Variants in ARHGAP32 observed in about 807,000 individuals in gnomAD.
ARHGAP32 encodes the protein Rho GTPase activating protein 32, also known as rho GTPase-activating protein 32.
A neutral mutation model predicts 186.5 loss-of-function variants in ARHGAP32; 51 were observed. The ratio of observed to expected loss-of-function variants is 0.27; its 90% CI spans 0.22 to 0.35. The LOEUF is 0.35. ARHGAP32 is among the 10% of genes least tolerant of loss of function. ARHGAP32 has a pLI of 1.00. For missense variants in ARHGAP32, 2,186 were observed against 2,623.5 expected, an observed-to-expected ratio of 0.83 and a Z score of 3.64; for synonymous variants, 950 against 964.3, an observed-to-expected ratio of 0.99 and a Z score of 0.27.
intron 1 of ARHGAP32, among the ~76,000 whole-genome samples, chr11:129,250,157 C>T (rs1020974144): frequency 6.6e-6 from 1 of 152,054 alleles, no homozygotes; most frequent in Admixed American, 6.6e-5. Flanking sequence ...GTTGAGGCTG[C>T]AATGAGCTAT....
rs946293823 is a variant in ARHGAP32, at chr11:129,276,811, T to C, written c.-5+2335A>G. The stretch of plus-strand genomic sequence containing the variant: ...AAGAAAAACAATGCAAGCCTTCTGA[T>C]CCCTATTTTATAAAATGCAAACAAG... On this transcript the variant is annotated intron_variant, in intron 1 of 6. Transcript: ENST00000525234. 3.3e-5 allele frequency among the ~76,000 whole-genome samples: 5 copies of C among 152,194 alleles called. No individual in the cohort carries two copies. In the East Asian group the frequency reaches 9.6e-4, roughly 29 times the overall value.
intron 6 of ARHGAP32, among the ~76,000 whole-genome samples, chr11:129,093,415 T>C: frequency 6.6e-6 from 1 of 152,136 alleles, no homozygotes; most frequent in Admixed American, 6.5e-5. Context: ...CATGTAGTAT[T>C]GTATGAATAC....
At chr11:129,093,398 T>C (rs1162974343) in intron 6 of ARHGAP32, among the ~76,000 whole-genome samples, 1 of 152,160 alleles carries the variant, frequency 6.6e-6, no homozygotes, top group East Asian at 1.9e-4. Flanking sequence ...TGCTCAACTC[T>C]ACATTCCATG....
intron 1 of ARHGAP32, among the ~76,000 whole-genome samples, chr11:129,272,278 C>T (rs1475849262): frequency 6.6e-6 from 1 of 152,136 alleles, no homozygotes; most frequent in Non-Finnish European, 1.5e-5. Context: ...AAGTACAAGG[C>T]TAGGAGGCAG....
At chr11:128,995,691 T>G (rs1158966896) in intron 12 of ARHGAP32, among the ~76,000 whole-genome samples, 1 of 152,126 alleles carries the variant, frequency 6.6e-6, no homozygotes, top group Admixed American at 6.5e-5. Context: ...ATACAAAAAT[T>G]AGCTGGGTGT....
intron 1 of ARHGAP32, among the ~76,000 whole-genome samples, chr11:129,233,583 G>A (rs758561370): frequency 9.9e-5 from 15 of 151,098 alleles, no homozygotes; most frequent in Non-Finnish European, 1.9e-4. Flanking sequence ...ACAACTGAAC[G>A]TGTACAAGAC....
intron 5 of ARHGAP32, among the ~76,000 whole-genome samples, chr11:129,107,089 A>C (rs1942068219): frequency 6.6e-6 from 1 of 152,224 alleles, no homozygotes; most frequent in Middle Eastern, 3.2e-3. Context: ...CATATAAGTG[A>C]TCCTCAAAAA....
intron 1 of ARHGAP32, among the ~76,000 whole-genome samples, chr11:129,176,113 C>T (rs1474811443): frequency 1.1e-5 from 1 of 93,288 alleles, no homozygotes; most frequent in East Asian, 3.2e-4. Context: ...AAATGGAAAA[C>T]AAAAAAAGGC....
At chr11:128,978,653 G>A (rs1945620243) in intron 19 of ARHGAP32, 117 bp downstream of exon 19, 6 of 1,001,094 alleles carry the variant, frequency 6.0e-6, no homozygotes. Context: ...CTCTGTATGT[G>A]TGACACAACT....
chr11:128,976,525 A>G, intron 20 of ARHGAP32, 38 bp downstream of exon 20: 1 of 1,518,260 alleles, frequency 6.6e-7, no homozygotes, highest in African/African-American at 1.4e-5. Context: ...TTTATGCAAT[A>G]TATTATAGAA....
At position 128,986,036 on chromosome 11, in the gene ARHGAP32, T is replaced by C. The variant is rs1489259046; in HGVS notation, c.1493A>G (p.Asp498Gly). 5 of 1,608,096 alleles carry C rather than the reference T, an allele frequency of 3.1e-6. No individual in the cohort carries two copies. The highest frequency in any genetic ancestry group is 4.2e-6 in the Non-Finnish European group (5 of 1,178,206). ...TDEERLIKIH[D>G]VIQQLPPPHY... ...TGGTGGGGGGAGCTGCTGGATGACATCGTGGATTTTTATCAGCCTTTCTTC... is the reference window on the plus strand; with the variant it reads ...TGGTGGGGGGAGCTGCTGGATGACACCGTGGATTTTTATCAGCCTTTCTTC... The change falls in exon 15 of 23, where the codon GAT (aspartate) becomes GGT (glycine). Residue 498 changes from aspartate (D) to glycine (G), a missense_variant. This residue lies in a region of ARHGAP32 where 308 missense variants were observed against 596.5 expected (regional missense o/e 0.52). Transcript: ENST00000682385.
intron 11 of ARHGAP32, among the ~76,000 whole-genome samples, chr11:129,018,640 G>A (rs887603905): frequency 1.3e-5 from 2 of 152,074 alleles, no homozygotes; most frequent in African/African-American, 4.8e-5. Context: ...TCAGTCTATA[G>A]CCTTGATTAT....
intron 6 of ARHGAP32, among the ~76,000 whole-genome samples, chr11:129,084,823 C>G (rs1941332415): frequency 6.6e-6 from 1 of 151,948 alleles, no homozygotes; most frequent in African/African-American, 2.4e-5. Flanking sequence ...GAAAAGGAAA[C>G]CCAAGGTATA....
At chr11:129,161,162 A>C (rs1218951870) in intron 2 of ARHGAP32, among the ~76,000 whole-genome samples, 2 of 152,314 alleles carry the variant, frequency 1.3e-5, no homozygotes, top group African/African-American at 4.8e-5. Flanking sequence ...CTCAAAATGA[A>C]TTAAAGACTT....
intron 1 of ARHGAP32, among the ~76,000 whole-genome samples, chr11:129,255,331 A>G (rs1945241099): frequency 6.6e-6 from 1 of 152,092 alleles, no homozygotes. Context: ...ACTAAATCTC[A>G]TGTGAAAATA....
chr11:129,268,176 T>C lies in ARHGAP32; in HGVS notation c.-5+10970A>G, dbSNP rs1591387619. Reference sequence around the variant, plus strand: ...GAAAAATAATCTAAAAACCTTGTCCTATGAGGAATAGTTGAAGAAAATGAA... The same window carrying C: ...GAAAAATAATCTAAAAACCTTGTCCCATGAGGAATAGTTGAAGAAAATGAA... On this transcript the variant is annotated intron_variant, in intron 1 of 6. Transcript: ENST00000525234. Among the ~76,000 whole-genome samples the C allele has an allele frequency of 2.6e-5, 4 of 152,184 alleles. No individual in the cohort carries two copies. In the East Asian group the frequency reaches 7.7e-4, roughly 29 times the overall value.
chr11:129,046,192 C>T (rs116994939), intron 10 of ARHGAP32, among the ~76,000 whole-genome samples: 1 of 152,136 alleles, frequency 6.6e-6, no homozygotes, highest in East Asian at 1.9e-4. Flanking sequence ...AGCAGAAGGG[C>T]ACTCAGTTAT....
chr11:129,124,935 G>GT (rs1194400300), intron 2 of ARHGAP32, 41 bp from the exon 3 acceptor site: 1 of 1,455,134 alleles, frequency 6.9e-7, no homozygotes, highest in Non-Finnish European at 9.4e-7. Context: ...TATTACTTTA[G>GT]TATTACACTT....
At chr11:129,185,364 A>C (rs912571174) in intron 1 of ARHGAP32, among the ~76,000 whole-genome samples, 1 of 152,192 alleles carries the variant, frequency 6.6e-6, no homozygotes, top group Non-Finnish European at 1.5e-5. Flanking sequence ...AAAAAACCAA[A>C]CACCACATGT....
Sources: gnomAD v4.1 joint callset for allele counts (sites outside exome capture counted in the v4.1 genomes callset) on GRCh38, gnomAD v4.1.1 for gene constraint, gnomAD v4.1.1 regional missense constraint, MANE v1.5 for transcripts, NCBI Gene and HGNC (gene_info 2026-07-23, HGNC 2026-07-21) for gene names.